PTPN11: variants seen among roughly 807,000 people sequenced by gnomAD.
PTPN11 encodes tyrosine-protein phosphatase non-receptor type 11.
PTPN11 carries 6 observed loss-of-function variants against 78.8 expected under a neutral mutation model. The ratio of observed to expected loss-of-function variants is 0.08; its 90% CI spans 0.04 to 0.15. The LOEUF is 0.15. PTPN11 is among the 10% of genes least tolerant of loss of function. PTPN11 has a pLI of 1.00. For missense variants in PTPN11, 386 were observed against 744.8 expected (o/e 0.52, Z 5.61); for synonymous variants, 221 against 263.5 (o/e 0.84, Z 1.56).
intron 7 of PTPN11, among the ~76,000 whole-genome samples, chr12:112,476,643 C>T (rs540274732): frequency 6.6e-6 from 1 of 152,194 alleles, no homozygotes; most frequent in African/African-American, 2.4e-5. Flanking sequence ...GTGGCACGCT[C>T]CTGTAATCCC....
chr12:112,434,914 G>A lies in PTPN11; in HGVS notation c.15-11362G>A, dbSNP rs2037766588. Among the ~76,000 whole-genome samples, 3 of 151,966 alleles carry A rather than the reference G, an allele frequency of 2.0e-5. 1 individual carries two copies. The Middle Eastern group carries it at 0.01, about 520-fold the overall frequency. ...TGATTCTTGTGCCTCAGCCTCCCAA[G>A]TAGCTGAGACTACAGGCACGCACCA... On this transcript the variant is annotated intron_variant, in intron 1 of 15. Coordinates refer to ENST00000351677, the MANE Select transcript of PTPN11 (RefSeq NM_002834.5).
intron 10 of PTPN11, among the ~76,000 whole-genome samples, chr12:112,485,137 T>C (rs1048496039): frequency 6.6e-6 from 1 of 152,030 alleles, no homozygotes; most frequent in African/African-American, 2.4e-5. Context: ...TAGTCCCAGC[T>C]ACTCGGGAGT....
At chr12:112,459,703 G>A (rs952813777) in intron 6 of PTPN11, among the ~76,000 whole-genome samples, 6 of 151,980 alleles carry the variant, frequency 3.9e-5, no homozygotes, top group Non-Finnish European at 7.4e-5. Context: ...CCTGACCTCA[G>A]GTGATCCGCC....
At chr12:112,425,911 A>C (rs963538169) in intron 1 of PTPN11, among the ~76,000 whole-genome samples, 1 of 151,816 alleles carries the variant, frequency 6.6e-6, no homozygotes, top group Non-Finnish European at 1.5e-5. Flanking sequence ...TGATTTTTTT[A>C]TAGAGATGAG....
chr12:112,424,957 TGTGTGTGTGTG>T (rs2037588890), intron 1 of PTPN11, among the ~76,000 whole-genome samples: 1 of 17,804 alleles, frequency 5.6e-5, no homozygotes. Flanking sequence ...TCAGGCTAAT[TGTGTGTGTGTG>T]TGTGTGTGTG....
Position 112,453,397 on chromosome 12 carries a change from C to T in PTPN11, c.525+10C>T. 1.2e-6 allele frequency: 2 copies of T among 1,613,632 alleles called. No individual in the cohort carries two copies. Among genetic ancestry groups the T allele is most frequent in the Non-Finnish European group, 1.7e-6 (2 of 1,179,798 alleles). Reference sequence around the variant, plus strand: ...TATGATTCGCTGTCAGGTAAATCTCCAGTTGAAAAATGGGTCTGGCAAGAT... The same window carrying T: ...TATGATTCGCTGTCAGGTAAATCTCTAGTTGAAAAATGGGTCTGGCAAGAT... On this transcript the variant is annotated intron_variant, in intron 4 of 15. Coordinates refer to ENST00000351677, the MANE Select transcript of PTPN11 (RefSeq NM_002834.5).
intron 13 of PTPN11, among the ~76,000 whole-genome samples, chr12:112,490,823 C>T (rs559095923): frequency 6.6e-6 from 1 of 152,156 alleles, no homozygotes; most frequent in Non-Finnish European, 1.5e-5. Context: ...TAGTTTTCTG[C>T]GTTGTGTGGT....
At chr12:112,469,617 C>T (rs1422776284) in intron 6 of PTPN11, among the ~76,000 whole-genome samples, 24 of 151,894 alleles carry the variant, frequency 1.6e-4, no homozygotes, top group South Asian at 2.1e-4. Flanking sequence ...TGGGTTTAAG[C>T]GATTCTCCTG....
intron 1 of PTPN11, among the ~76,000 whole-genome samples, chr12:112,423,358 T>C (rs959837718): frequency 3.0e-4 from 45 of 152,206 alleles, no homozygotes; most frequent in African/African-American, 1.0e-3. Context: ...CAATATTGGC[T>C]CACTGCAACC....
chr12:112,498,379 T>C (rs2038837222), intron 13 of PTPN11, among the ~76,000 whole-genome samples: 1 of 152,138 alleles, frequency 6.6e-6, no homozygotes, highest in Non-Finnish European at 1.5e-5. Context: ...ATCATGGTGT[T>C]TGTAGTCTTC....
chr12:112,485,193 G>A lies in PTPN11; in HGVS notation c.1225-1282G>A, dbSNP rs192417134. 2.6e-5 allele frequency among the ~76,000 whole-genome samples: 4 copies of A among 152,222 alleles called. No individual in the cohort carries two copies. The East Asian group carries it at 7.7e-4, about 29-fold the overall frequency. On this transcript the variant is annotated intron_variant, in intron 10 of 15. Transcript: ENST00000351677. ...TGCTTGAATCGGGGAGGCGTAGGTTGCAGTGAGCTGTGATCAGGTCACTGT... is the reference window on the plus strand; with the variant it reads ...TGCTTGAATCGGGGAGGCGTAGGTTACAGTGAGCTGTGATCAGGTCACTGT...
At chr12:112,452,631 G>A (rs1234108232) in intron 3 of PTPN11, among the ~76,000 whole-genome samples, 4 of 152,124 alleles carry the variant, frequency 2.6e-5, no homozygotes, top group Admixed American at 6.6e-5. Flanking sequence ...GGACTCAAGT[G>A]ATCCTCCTGC....
At chr12:112,451,876 T>C (rs1179544043) in intron 3 of PTPN11, among the ~76,000 whole-genome samples, 1 of 152,248 alleles carries the variant, frequency 6.6e-6, no homozygotes, top group Non-Finnish European at 1.5e-5. Context: ...TTCTTTCTTT[T>C]TTTTAATTTA....
At chr12:112,423,716 C>T (rs1594124083) in intron 1 of PTPN11, among the ~76,000 whole-genome samples, 2 of 147,438 alleles carry the variant, frequency 1.4e-5, no homozygotes, top group African/African-American at 2.5e-5. Flanking sequence ...TCTACACATA[C>T]ATGTATATAC....
intron 9 of PTPN11, among the ~76,000 whole-genome samples, chr12:112,478,595 C>T (rs886136191): frequency 1.6e-4 from 25 of 152,116 alleles, no homozygotes; most frequent in Admixed American, 3.3e-4. Flanking sequence ...ATATGTCATC[C>T]GCTCTTAATC....
chr12:112,470,650 C>G (rs2038400331), intron 6 of PTPN11, among the ~76,000 whole-genome samples: 1 of 152,098 alleles, frequency 6.6e-6, no homozygotes, highest in East Asian at 1.9e-4. Context: ...CTGCCACCGC[C>G]CCCCCACCTC....
chr12:112,425,867 T>C (rs934612290), intron 1 of PTPN11, among the ~76,000 whole-genome samples: 1 of 152,150 alleles, frequency 6.6e-6, no homozygotes, highest in Admixed American at 6.5e-5. Flanking sequence ...TAGCTGGAAC[T>C]GCAGGCGTGC....
At chr12:112,500,236 C>G (rs2038859329) in intron 13 of PTPN11, among the ~76,000 whole-genome samples, 1 of 152,046 alleles carries the variant, frequency 6.6e-6, no homozygotes, top group Admixed American at 6.6e-5. Context: ...GAGCAAGACT[C>G]CATCTCAAAA....
At chr12:112,469,715 A>C (rs2038383914) in intron 6 of PTPN11, among the ~76,000 whole-genome samples, 1 of 152,112 alleles carries the variant, frequency 6.6e-6, no homozygotes, top group Non-Finnish European at 1.5e-5. Flanking sequence ...AGGTTTTGCC[A>C]TGTTGACTGG....
Sources: allele counts gnomAD v4.1 joint callset (sites outside exome capture counted in the v4.1 genomes callset), GRCh38; gene constraint gnomAD v4.1.1; transcripts MANE v1.5; gene names NCBI Gene and HGNC (gene_info 2026-07-23, HGNC 2026-07-21).